UBE2G1: variants seen among roughly 807,000 people sequenced by gnomAD.
The protein encoded by UBE2G1 is ubiquitin-conjugating enzyme E2 G1.
In UBE2G1, 5 loss-of-function variants were observed where a neutral mutation model predicts 22.7. The ratio of observed to expected loss-of-function variants is 0.22; its 90% CI spans 0.12 to 0.46. UBE2G1 has a LOEUF of 0.46. UBE2G1 is among the 20% of genes least tolerant of loss of function. The pLI is 0.99. For synonymous variants in UBE2G1, 74 were observed against 67.5 expected (o/e 1.10, Z -0.47); for missense variants, 88 against 203.9 (o/e 0.43, Z 3.46).
chr17:4,333,868 G>C (rs1969613401), intron 1 of UBE2G1, among the ~76,000 whole-genome samples: 1 of 151,958 alleles, frequency 6.6e-6, no homozygotes. Flanking sequence ...CGCAGTCAAA[G>C]TCTCACTCTT....
intron 5 of UBE2G1, among the ~76,000 whole-genome samples, chr17:4,277,677 T>C (rs1326211581): frequency 6.6e-6 from 1 of 152,240 alleles, no homozygotes; most frequent in Non-Finnish European, 1.5e-5. Context: ...ATATGTATTT[T>C]CAAATAATCT....
At chr17:4,313,997 C>T (rs1307494658) in intron 1 of UBE2G1, among the ~76,000 whole-genome samples, 2 of 151,968 alleles carry the variant, frequency 1.3e-5, no homozygotes, top group African/African-American at 4.8e-5. Context: ...AAGAATAAGA[C>T]TAAAAAAGAA....
At chr17:4,314,579 G>A (rs565565193) in intron 1 of UBE2G1, among the ~76,000 whole-genome samples, 1 of 152,280 alleles carries the variant, frequency 6.6e-6, no homozygotes, top group South Asian at 2.1e-4. Context: ...AATCAAAATA[G>A]TAATTACTAT....
At chr17:4,287,793 G>T (rs533497985) in intron 4 of UBE2G1, among the ~76,000 whole-genome samples, 1 of 151,712 alleles carries the variant, frequency 6.6e-6, no homozygotes, top group Admixed American at 6.6e-5. Flanking sequence ...AAGGAACTAG[G>T]AACTATTCTA....
chr17:4,278,655 T>C (rs1968849114), intron 5 of UBE2G1, among the ~76,000 whole-genome samples: 1 of 152,228 alleles, frequency 6.6e-6, no homozygotes, highest in Admixed American at 6.5e-5. Flanking sequence ...AATTTTTAAA[T>C]GATTACACTT....
chr17:4,326,350 CTAA>C (rs1969504339), intron 1 of UBE2G1, among the ~76,000 whole-genome samples: 1 of 152,148 alleles, frequency 6.6e-6, no homozygotes, highest in Non-Finnish European at 1.5e-5. Flanking sequence ...CTCAATATCA[CTAA>C]TAATAGAAGA....
chr17:4,308,275 C>T (rs192916506), intron 1 of UBE2G1, among the ~76,000 whole-genome samples: 1 of 152,318 alleles, frequency 6.6e-6, no homozygotes, highest in Admixed American at 6.5e-5. Context: ...ACTGATTGAA[C>T]CCAGGAGGCA....
At chr17:4,274,476 C>A (rs1259668083) in intron 5 of UBE2G1, among the ~76,000 whole-genome samples, 1 of 152,138 alleles carries the variant, frequency 6.6e-6, no homozygotes, top group Non-Finnish European at 1.5e-5. Flanking sequence ...GGATTAGAGG[C>A]GTGAGCCACC....
intron 3 of UBE2G1, among the ~76,000 whole-genome samples, chr17:4,291,781 G>A (rs554927046): frequency 6.6e-5 from 10 of 152,142 alleles, no homozygotes; most frequent in African/African-American, 2.2e-4. Flanking sequence ...CTTTATTGAT[G>A]CTGTTTAAAT....
chr17:4,282,168 C>T (rs1227804445), intron 5 of UBE2G1, among the ~76,000 whole-genome samples: 2 of 152,144 alleles, frequency 1.3e-5, no homozygotes, highest in East Asian at 1.9e-4. Flanking sequence ...CTGCAACCTC[C>T]GTCTCCCAGG....
chr17:4,353,326 G>T (rs1969866918), intron 1 of UBE2G1, among the ~76,000 whole-genome samples: 1 of 152,058 alleles, frequency 6.6e-6, no homozygotes, highest in Non-Finnish European at 1.5e-5. Flanking sequence ...AAATGGAAAA[G>T]AAAAATATGT....
chr17:4,281,550 T>C (rs937178742), intron 5 of UBE2G1, among the ~76,000 whole-genome samples: 2 of 152,136 alleles, frequency 1.3e-5, no homozygotes, highest in Non-Finnish European at 2.9e-5. Flanking sequence ...CACAAATCAA[T>C]AGGTCTTTTA....
intron 5 of UBE2G1, among the ~76,000 whole-genome samples, chr17:4,275,094 TC>T (rs1327296578): frequency 6.6e-6 from 1 of 151,676 alleles, no homozygotes; most frequent in Non-Finnish European, 1.5e-5. Context: ...AGAGCAAGAC[TC>T]CCGTCTTAAA....
chr17:4,348,865 A>G lies in UBE2G1; in HGVS notation c.46+17406T>C, dbSNP rs1406860146. 2.0e-5 allele frequency among the ~76,000 whole-genome samples: 3 copies of G among 151,168 alleles called. No individual in the cohort carries two copies. In the East Asian group the frequency reaches 5.9e-4, roughly 30 times the overall value. On this transcript the variant is annotated intron_variant, in intron 1 of 5. Coordinates refer to ENST00000396981, the MANE Select transcript of UBE2G1 (RefSeq NM_003342.5). ...GACACAACAAGACTCCGTCTCAAAAAAATAAAAATAAAAATAAAAATTAAT... is the reference window on the plus strand; with the variant it reads ...GACACAACAAGACTCCGTCTCAAAAGAATAAAAATAAAAATAAAAATTAAT...
chr17:4,310,533 G>C (rs937900744), intron 1 of UBE2G1, among the ~76,000 whole-genome samples: 1 of 152,186 alleles, frequency 6.6e-6, no homozygotes, highest in South Asian at 2.1e-4. Flanking sequence ...TGACTGGAAC[G>C]GCGGGGGGCA....
intron 1 of UBE2G1, among the ~76,000 whole-genome samples, chr17:4,320,447 T>C (rs764203852): frequency 1.3e-5 from 2 of 152,214 alleles, no homozygotes; most frequent in African/African-American, 4.8e-5. Context: ...TTGTCATTCA[T>C]ATGCAACTTG....
chr17:4,308,749 AG>A (rs1379654204), intron 1 of UBE2G1, among the ~76,000 whole-genome samples: 8 of 152,218 alleles, frequency 5.3e-5, no homozygotes, highest in African/African-American at 1.7e-4. Flanking sequence ...GAGTCTCAAC[AG>A]GTGTGTAATT....
At chr17:4,286,638 TTACTCTGGCAG>T (rs1227024065) in intron 4 of UBE2G1, among the ~76,000 whole-genome samples, 7 of 152,224 alleles carry the variant, frequency 4.6e-5, no homozygotes, top group African/African-American at 1.7e-4. Flanking sequence ...GAGAATGACT[TTACTCTGGCAG>T]TACATTTGGC....
intron 1 of UBE2G1, among the ~76,000 whole-genome samples, chr17:4,360,622 A>G (rs1969955502): frequency 6.6e-6 from 1 of 152,266 alleles, no homozygotes; most frequent in Non-Finnish European, 1.5e-5. Flanking sequence ...AAACTATATA[A>G]TAAAACTGGC....
Sources: allele counts gnomAD v4.1 joint callset (sites outside exome capture counted in the v4.1 genomes callset), GRCh38; gene constraint gnomAD v4.1.1; transcripts MANE v1.5; gene names NCBI Gene and HGNC (gene_info 2026-07-23, HGNC 2026-07-21).